The following NUP133 variants were observed in gnomAD, a reference collection of about 807,000 sequenced individuals.
NUP133 encodes nuclear pore complex protein Nup133.
NUP133 carries 66 observed loss-of-function variants against 146.2 expected under a neutral mutation model. The observed-to-expected ratio is 0.45, with a 90% CI of 0.37 to 0.55. The LOEUF is 0.55. Among genes scored for constraint, NUP133 ranks in the 20% least tolerant of loss-of-function variants. NUP133 has a pLI of 0.00. For missense variants in NUP133, 1,277 were observed against 1,374.8 expected (o/e 0.93, Z 1.12); for synonymous variants, 521 against 498.8 (o/e 1.04, Z -0.59).
intron 12 of NUP133, among the ~76,000 whole-genome samples, chr1:229,482,837 A>G (rs746636119): frequency 3.3e-5 from 5 of 152,200 alleles, no homozygotes; most frequent in Non-Finnish European, 5.9e-5. Flanking sequence ...TGATACATGA[A>G]TAAGCCCAGG....
At chr1:229,477,492 T>A in intron 13 of NUP133, 105 bp downstream of exon 13, 3 of 741,156 alleles carry the variant, frequency 4.0e-6, no homozygotes, top group South Asian at 4.1e-5. Context: ...ATTGAATTAA[T>A]ATTAAATTGT....
At chr1:229,481,383 G>A (rs541241908) in intron 12 of NUP133, among the ~76,000 whole-genome samples, 3 of 152,178 alleles carry the variant, frequency 2.0e-5, no homozygotes, top group Admixed American at 2.0e-4. Flanking sequence ...AAATTATGAT[G>A]AGTCTAAATC....
intron 6 of NUP133, among the ~76,000 whole-genome samples, chr1:229,496,546 GGAA>G (rs1661661566): frequency 6.6e-6 from 1 of 152,160 alleles, no homozygotes; most frequent in Non-Finnish European, 1.5e-5. Context: ...TGGATCTATA[GGAA>G]GAAGGATACA....
chr1:229,495,945 A>G lies in NUP133; in HGVS notation c.922T>C (p.Tyr308His), dbSNP rs1416960188. The part of the protein sequence containing the change: ...ELDDSSEKHA[Y>H]SWDINRALKE... ...AGGGCTCTATTTATATCCCAACTGT[A>G]TGCATGCTTTTCTGAAGAATCATCT... The change falls in exon 7 of 26, where the codon TAC becomes CAC. Residue 308 changes from tyrosine to histidine, a missense_variant. Coordinates refer to ENST00000261396, the MANE Select transcript of NUP133 (RefSeq NM_018230.3). 3 of 1,611,474 alleles carry G rather than the reference A, an allele frequency of 1.9e-6. No individual in the cohort carries two copies. The African/African-American group carries it at 4.0e-5, about 22-fold the overall frequency.
At chr1:229,507,416 C>G (rs1226961723) in intron 1 of NUP133, among the ~76,000 whole-genome samples, 1 of 152,046 alleles carries the variant, frequency 6.6e-6, no homozygotes, top group Non-Finnish European at 1.5e-5. Context: ...TAATTATGAA[C>G]ATGGTGTGTG....
intron 25 of NUP133, among the ~76,000 whole-genome samples, chr1:229,443,424 T>A (rs557197981): frequency 6.6e-6 from 1 of 152,308 alleles, no homozygotes; most frequent in South Asian, 2.1e-4. Context: ...TAATGAGACA[T>A]GCATTTTGTT....
At chr1:229,502,558 C>CAAAAAAAAAAAAAAA (rs58520087) in intron 2 of NUP133, among the ~76,000 whole-genome samples, 2 of 43,086 alleles carry the variant, frequency 4.6e-5, no homozygotes, top group African/African-American at 9.5e-5. Context: ...GACTCCATCT[C>CAAAAAAAAAAAAAAA]AAAAAAAAAA....
chr1:229,441,843 A>T lies in NUP133; in HGVS notation c.*61T>A. On this transcript the variant is annotated 3_prime_UTR_variant, in exon 26 of 26. Transcript: ENST00000261396. The stretch of plus-strand genomic sequence containing the variant: ...ACAAACTTACACTTGTTTATGGCCT[A>T]AAATTTGTATAAGGACACACTTATA... 7.2e-7 allele frequency: 1 copy of T among 1,381,800 alleles called. No homozygotes were observed. The highest frequency in any genetic ancestry group is 9.7e-7 in the Non-Finnish European group (1 of 1,028,718). 85.6% of individuals were successfully genotyped at this position (1,381,800 alleles called of 1,614,324 possible). A position where few individuals can be genotyped will look rare whatever the true frequency, so the allele number is the denominator to read the frequency against.
At chr1:229,465,643 C>A in intron 16 of NUP133, 124 bp from the exon 17 acceptor site, 1 of 731,286 alleles carries the variant, frequency 1.4e-6, no homozygotes, top group South Asian at 1.5e-5. Flanking sequence ...AATGTTGGCT[C>A]ACACCTGTAA....
At chr1:229,489,677 CCTGGCCAA>C (rs1661459601) in intron 9 of NUP133, among the ~76,000 whole-genome samples, 1 of 152,188 alleles carries the variant, frequency 6.6e-6, no homozygotes, top group East Asian at 1.9e-4. Flanking sequence ...TTGAGACCAG[CCTGGCCAA>C]CATGGTGAAA....
At chr1:229,485,147 T>C (rs577361540) in intron 11 of NUP133, among the ~76,000 whole-genome samples, 11 of 152,202 alleles carry the variant, frequency 7.2e-5, no homozygotes, top group African/African-American at 2.4e-4. Context: ...TCTCAAAAAA[T>C]CATCCCAGAA....
chr1:229,501,927 T>A (rs1034292152), intron 3 of NUP133, 72 bp downstream of exon 3: 4 of 1,118,690 alleles, frequency 3.6e-6, no homozygotes, highest in Non-Finnish European at 5.4e-6. Flanking sequence ...TGTAAAAAAA[T>A]TAGGGTAAAA....
rs1183908241 is a variant in NUP133, at chr1:229,441,472, G to C, written c.*432C>G. On this transcript the variant is annotated 3_prime_UTR_variant, in exon 26 of 26. Coordinates refer to ENST00000261396, the MANE Select transcript of NUP133 (RefSeq NM_018230.3). ...TAGACATTTCCCATTAGCCCTAACT[G>C]AAACAGATATCAAACACCCTAGATT... The C allele has an allele frequency of 1.9e-6, 1 of 531,706 alleles. No individual in the cohort carries two copies. Among genetic ancestry groups the C allele is most frequent in the Non-Finnish European group, 3.9e-6 (1 of 259,368 alleles). 32.9% of individuals were successfully genotyped at this position (531,706 alleles called of 1,614,324 possible). A position where few individuals can be genotyped will look rare whatever the true frequency, so the allele number is the denominator to read the frequency against.
intron 24 of NUP133, among the ~76,000 whole-genome samples, chr1:229,448,318 C>T (rs1190072001): frequency 6.6e-6 from 1 of 152,066 alleles, no homozygotes; most frequent in Non-Finnish European, 1.5e-5. Context: ...ATCCCATTTA[C>T]TTGGGAGGCT....
chr1:229,450,708 G>A, intron 22 of NUP133, 103 bp from the exon 23 acceptor site: 2 of 553,290 alleles, frequency 3.6e-6, no homozygotes, highest in Non-Finnish European at 3.1e-6. Flanking sequence ...GGAAGTTGTA[G>A]TTTGTTTTTT....
At chr1:229,465,945 AGATCTGCAT>A (rs1660804521) in intron 16 of NUP133, among the ~76,000 whole-genome samples, 1 of 151,856 alleles carries the variant, frequency 6.6e-6, no homozygotes, top group Non-Finnish European at 1.5e-5. Flanking sequence ...AAGTCAGCAC[AGATCTGCAT>A]GATTACTTTT....
chr1:229,442,181 C>G, intron 25 of NUP133, 141 bp from the exon 26 acceptor site: 2 of 777,182 alleles, frequency 2.6e-6, no homozygotes, highest in Non-Finnish European at 4.0e-6. Flanking sequence ...CTTCTAAATT[C>G]CTTCCATCTG....
At chr1:229,482,852 CCT>C (rs1661251277) in intron 12 of NUP133, among the ~76,000 whole-genome samples, 1 of 152,188 alleles carries the variant, frequency 6.6e-6, no homozygotes, top group African/African-American at 2.4e-5. Flanking sequence ...CCCAGGGCAG[CCT>C]GCTAGTTGAG....
intron 8 of NUP133, among the ~76,000 whole-genome samples, chr1:229,494,351 T>C (rs1661598886): frequency 6.6e-6 from 1 of 152,194 alleles, no homozygotes; most frequent in East Asian, 1.9e-4. Flanking sequence ...AATAATAGTC[T>C]AAACAGTCCA....
Sources: allele counts gnomAD v4.1 joint callset (sites outside exome capture counted in the v4.1 genomes callset), GRCh38; gene constraint gnomAD v4.1.1; transcripts MANE v1.5; gene names NCBI Gene and HGNC (gene_info 2026-07-23, HGNC 2026-07-21).